RPS6KA2: variants seen among roughly 807,000 people sequenced by gnomAD.
RPS6KA2 encodes ribosomal protein S6 kinase A2, also known as ribosomal protein S6 kinase alpha-2.
Under a neutral mutation model 91.8 loss-of-function variants are expected in RPS6KA2, and 42 were observed. The ratio of observed to expected loss-of-function variants is 0.46; its 90% CI spans 0.36 to 0.59. RPS6KA2 has a LOEUF of 0.59. Ranked by LOEUF, RPS6KA2 falls within the 20% of genes least tolerant of loss-of-function variation. The pLI is 0.00. For missense variants in RPS6KA2, 798 were observed against 978.5 expected (o/e 0.82, Z 2.46); for synonymous variants, 414 against 393.6 (o/e 1.05, Z -0.61).
intron 1 of RPS6KA2, among the ~76,000 whole-genome samples, chr6:166,560,074 A>G (rs1247337939): frequency 6.6e-6 from 1 of 152,232 alleles, no homozygotes; most frequent in African/African-American, 2.4e-5. Context: ...CTGAGATGTG[A>G]GTCTAGTGGG....
intron 10 of RPS6KA2, among the ~76,000 whole-genome samples, chr6:166,470,436 C>A (rs900333367): frequency 6.6e-6 from 1 of 152,254 alleles, no homozygotes; most frequent in South Asian, 2.1e-4. Flanking sequence ...CCTGAGCCTG[C>A]TCAGACAGGT....
chr6:166,754,962 T>C (rs1220587376), intron 2 of RPS6KA2, among the ~76,000 whole-genome samples: 1 of 152,122 alleles, frequency 6.6e-6, no homozygotes, highest in Admixed American at 6.5e-5. Flanking sequence ...TCCTCATGTG[T>C]GCAATGAAGG....
At chr6:166,518,014 G>A (rs531876394) in intron 3 of RPS6KA2, among the ~76,000 whole-genome samples, 12 of 152,206 alleles carry the variant, frequency 7.9e-5, no homozygotes, top group African/African-American at 1.9e-4. Context: ...CACTCCACAC[G>A]CTATATTTCT....
chr6:166,676,687 CTCCACAGCCATCTGCTTCATGTT>C (rs1259885233), intron 2 of RPS6KA2, among the ~76,000 whole-genome samples: 1 of 152,242 alleles, frequency 6.6e-6, no homozygotes, highest in Non-Finnish European at 1.5e-5. Flanking sequence ...CCCCTTGAAA[CTCCACAGCCATCTGCTTCATGTT>C]TCCACAGCAC....
chr6:166,687,552 T>A (rs75012178), intron 2 of RPS6KA2, among the ~76,000 whole-genome samples: 17,361 of 152,236 alleles, frequency 0.11, 1,090 homozygotes, highest in Non-Finnish European at 0.14. Flanking sequence ...AATTGTTGAC[T>A]GAAGAATTCA....
intron 7 of RPS6KA2, among the ~76,000 whole-genome samples, chr6:166,499,933 C>T (rs1420203630): frequency 6.6e-6 from 1 of 151,714 alleles, no homozygotes; most frequent in Non-Finnish European, 1.5e-5. Flanking sequence ...AGGGACTTTG[C>T]AGATGCCATT....
rs1714159722 is a variant in RPS6KA2 at position 166,490,611 on chromosome 6, A to G, written c.818+60T>C. On this transcript the variant is annotated intron_variant, in intron 9 of 20. Transcript: ENST00000265678. The surrounding 1 kb of genome is among the most constrained non-coding windows in gnomAD (Gnocchi z 4.2). ...ACTTCACAGTTCCAGGTTCAGAGGC[A>G]GCAGCTCTTGATATCAGAAGGTGCT... 8.9e-7 allele frequency: 1 copy of G among 1,119,630 alleles called. No homozygotes were observed. The highest frequency in any genetic ancestry group is 1.5e-5 in the African/African-American group (1 of 64,714). 69.4% of individuals were successfully genotyped at this position (1,119,630 alleles called of 1,614,324 possible). A position where few individuals can be genotyped will look rare whatever the true frequency, so the allele number is the denominator to read the frequency against.
chr6:166,437,729 G>GACACAT lies in RPS6KA2; in HGVS notation c.1333-5245_1333-5240dup, dbSNP rs1779378291. On this transcript the variant is annotated intron_variant, in intron 14 of 20. Coordinates refer to ENST00000265678, the MANE Select transcript of RPS6KA2 (RefSeq NM_021135.6). The surrounding 1 kb of genome is among the most constrained non-coding windows in gnomAD (Gnocchi z 4.3). ...CACCACCATGATCTTCCTGAGCACGGACACATGCAGCCATGTGCCAAACAA... is the reference window on the plus strand; with the variant it reads ...CACCACCATGATCTTCCTGAGCACGGACACATACACATGCAGCCATGTGCCAAACAA... 1.3e-5 allele frequency among the ~76,000 whole-genome samples: 2 copies of GACACAT among 152,122 alleles called. No individual in the cohort carries two copies. Among genetic ancestry groups the GACACAT allele is most frequent in the Non-Finnish European group, 2.9e-5 (2 of 68,034 alleles).
intron 1 of RPS6KA2, among the ~76,000 whole-genome samples, chr6:166,597,082 C>G (rs750827935): frequency 2.0e-5 from 3 of 152,172 alleles, no homozygotes; most frequent in Non-Finnish European, 2.9e-5. Flanking sequence ...ATGCTGAGAA[C>G]CAGCCCATGG....
chr6:166,733,606 A>C lies in RPS6KA2; in HGVS notation c.123+124594T>G, dbSNP rs142758453. Among the ~76,000 whole-genome samples the C allele has an allele frequency of 2.9e-3, 447 of 152,280 alleles. 5 individuals carry two copies. Among genetic ancestry groups the C allele is most frequent in the African/African-American group, 0.01 (418 of 41,552 alleles). On this transcript the variant is annotated intron_variant, in intron 2 of 21. Coordinates refer to the RPS6KA2 transcript ENST00000503859. This position sits in a 1 kb window ranked among gnomAD's most constrained non-coding sequence, Gnocchi z 4.1. The stretch of plus-strand genomic sequence containing the variant: ...CTTGTAGCATGTATGTATGGAAGCC[A>C]GTGCCAGTCTCTTTAGGAAAAAGGT...
intron 2 of RPS6KA2, among the ~76,000 whole-genome samples, chr6:166,792,630 G>T (rs1160422839): frequency 6.6e-6 from 1 of 152,100 alleles, no homozygotes; most frequent in Non-Finnish European, 1.5e-5. Flanking sequence ...ACCAAATCCA[G>T]CAGCACATCA....
chr6:166,591,688 G>T (rs1381721112), intron 1 of RPS6KA2, among the ~76,000 whole-genome samples: 3 of 152,198 alleles, frequency 2.0e-5, no homozygotes, highest in Non-Finnish European at 4.4e-5. Flanking sequence ...TCTTGCCCAG[G>T]TATAGTCTCG....
chr6:166,800,235 G>A (rs569620580), intron 2 of RPS6KA2, among the ~76,000 whole-genome samples: 2 of 152,196 alleles, frequency 1.3e-5, no homozygotes, highest in African/African-American at 4.8e-5. Flanking sequence ...CAGGAGGCCG[G>A]CAAAGAGGCT....
chr6:166,827,887 G>C (rs941385162), intron 2 of RPS6KA2, among the ~76,000 whole-genome samples: 1 of 152,116 alleles, frequency 6.6e-6, no homozygotes, highest in African/African-American at 2.4e-5. Context: ...ACCCTTAATC[G>C]GGTTTTTAGT....
chr6:166,659,567 T>A (rs1340941895), intron 2 of RPS6KA2, among the ~76,000 whole-genome samples: 1 of 152,240 alleles, frequency 6.6e-6, no homozygotes, highest in African/African-American at 2.4e-5. Context: ...TTATTGAACA[T>A]CTACTCTGTG....
In RPS6KA2 at chr6:166,686,999, C is replaced by T. The variant is rs368980116; in HGVS notation, c.124-148215G>A. Among the ~76,000 whole-genome samples the T allele has an allele frequency of 2.3e-3, 348 of 152,326 alleles. 2 individuals are homozygous for T. Among genetic ancestry groups the T allele is most frequent in the African/African-American group, 6.8e-3 (284 of 41,564 alleles). ...GCAGGGCAGAGGGCAGCTCTGTCTG[C>T]GCCCATTCTCCATGCTATTGAGATA... On this transcript the variant is annotated intron_variant, in intron 2 of 21. Coordinates refer to the RPS6KA2 transcript ENST00000503859.
intron 2 of RPS6KA2, among the ~76,000 whole-genome samples, chr6:166,839,694 G>GAGGA (rs1780413884): frequency 6.4e-4 from 4 of 6,256 alleles, no homozygotes; most frequent in Non-Finnish European, 1.2e-3. Flanking sequence ...AGAGGAGAGG[G>GAGGA]GAGGAGAGGA....
At chr6:166,716,821 A>C (rs193034060) in intron 2 of RPS6KA2, among the ~76,000 whole-genome samples, 1 of 152,378 alleles carries the variant, frequency 6.6e-6, no homozygotes, top group East Asian at 1.9e-4. Flanking sequence ...TGATGGATAC[A>C]ACTTTTCCAA....
Position 166,635,694 on chromosome 6 carries a change from C to A in RPS6KA2, c.124-96910G>T, listed in dbSNP as rs1184082969. On this transcript the variant is annotated intron_variant, in intron 2 of 21. Coordinates refer to the RPS6KA2 transcript ENST00000503859. The surrounding 1 kb of genome is among the most constrained non-coding windows in gnomAD (Gnocchi z 4.8). ...GGAGGAAGAGCCCGGGAGGCTTTGG[C>A]AGGAGGATGCCATGAGCATCACCTG... 6.6e-6 allele frequency among the ~76,000 whole-genome samples: 1 copy of A among 152,080 alleles called. No homozygotes were observed. Among genetic ancestry groups the A allele is most frequent in the Non-Finnish European group, 1.5e-5 (1 of 68,014 alleles).
Sources: gnomAD v4.1 joint callset for allele counts (sites outside exome capture counted in the v4.1 genomes callset) on GRCh38, gnomAD v4.1.1 for gene constraint, Gnocchi (gnomAD v3.1) non-coding constraint, MANE v1.5 for transcripts, NCBI Gene and HGNC (gene_info 2026-07-23, HGNC 2026-07-21) for gene names.